NMU: variants seen among roughly 807,000 people sequenced by gnomAD.
NMU encodes neuromedin U.
In NMU, 29 loss-of-function variants were observed where a neutral mutation model predicts 35.4. The observed-to-expected ratio is 0.82, with a 90% CI of 0.61 to 1.12. The LOEUF (loss-of-function observed/expected upper bound fraction) is 1.12. Among genes scored for constraint, NMU ranks in the 50% most tolerant of loss-of-function variants. The pLI, the probability that NMU is intolerant of heterozygous loss-of-function variation, is 0.00. For missense variants in NMU, 199 were observed against 206.2 expected (o/e 0.97, Z 0.21); for synonymous variants, 78 against 81.3 (o/e 0.96, Z 0.22).
intron 8 of NMU, 96 bp from the exon 9 acceptor site, chr4:55,599,277 G>A (rs1560511162): frequency 1.0e-6 from 1 of 972,730 alleles, no homozygotes; most frequent in Non-Finnish European, 1.7e-6. Context: ...TGTTTAACGT[G>A]CATCACAATC....
chr4:55,609,130 G>A lies in NMU; in HGVS notation c.269C>T (p.Pro90Leu), dbSNP rs377509274. The change falls in exon 4 of 10, where the codon CCA (proline) becomes CTA (leucine). Residue 90 changes from proline (P) to leucine (L), a missense_variant. Coordinates refer to ENST00000264218, the MANE Select transcript of NMU (RefSeq NM_006681.4). ...CTATTTCAAGCTTACCTGAGGCTTT[G>A]GTAGCATTCCCATAATCATAAAGCA... ...ELCFMIMGML[P>L]KPQEQDEKDN... 1 of 1,612,960 alleles carries A rather than the reference G, an allele frequency of 6.2e-7. No homozygotes were observed. Among genetic ancestry groups the A allele is most frequent in the African/African-American group, 1.3e-5 (1 of 75,034 alleles).
At chr4:55,595,563 T>TATATATATACACACACAC (rs755203914) in intron 9 of NMU, among the ~76,000 whole-genome samples, 152 bp from the exon 10 acceptor site, 1 of 120,054 alleles carries the variant, frequency 8.3e-6, no homozygotes, top group Non-Finnish European at 1.7e-5. Context: ...TATATATATA[T>TATATATATACACACACAC]ACACACACAC....
intron 7 of NMU, among the ~76,000 whole-genome samples, chr4:55,604,027 A>ATATACATGTGTATATATACACATGTAT (rs1733567304): frequency 6.6e-4 from 19 of 28,966 alleles, no homozygotes; most frequent in East Asian, 1.6e-3. Flanking sequence ...GTATATATAT[A>ATATACATGTGTATATATACACATGTAT]ATCCTAGAAA....
chr4:55,632,936 C>T (rs1321357931), intron 1 of NMU, among the ~76,000 whole-genome samples: 2 of 147,122 alleles, frequency 1.4e-5, no homozygotes, highest in Admixed American at 1.4e-4. Context: ...TTTTGTGGCT[C>T]TTCTAAAAAA....
At chr4:55,615,882 A>C (rs2110199969) in intron 3 of NMU, among the ~76,000 whole-genome samples, 1 of 152,068 alleles carries the variant, frequency 6.6e-6, no homozygotes, top group South Asian at 2.1e-4. Context: ...AACATGCAAT[A>C]TTTGGTTTTC....
At position 55,605,342 on chromosome 4, in the gene NMU, A is replaced by C. The variant is rs756862152; in HGVS notation, c.368T>G (p.Val123Gly). The change falls in exon 7 of 10, where the codon GTT (valine) becomes GGT (glycine). Residue 123 changes from valine to glycine, a missense_variant. By Grantham distance (109) the Val-to-Gly change is moderately radical (BLOSUM62 -3). Coordinates refer to ENST00000264218, the MANE Select transcript of NMU (RefSeq NM_006681.4). ...KLGKSNVVSS[V>G]VHPLLQLVPH... ...AACGAGCTGCAGCAACGGATGCACA[A>C]CTGACGACTGAGAGGACATGAACAC... 6.2e-7 allele frequency: 1 copy of C among 1,612,632 alleles called. No homozygotes were observed. Among genetic ancestry groups the C allele is most frequent in the South Asian group, 1.1e-5 (1 of 91,048 alleles).
intron 2 of NMU, among the ~76,000 whole-genome samples, chr4:55,619,545 A>G (rs982652499): frequency 1.3e-4 from 19 of 142,620 alleles, no homozygotes; most frequent in Admixed American, 1.2e-3. Context: ...TTGCCAGCAC[A>G]GCAGTCTGAG....
chr4:55,636,199 G>T lies in NMU; in HGVS notation c.-7C>A. ...AGCTCTCTGTTCGCAGCATCTCGGC[G>T]GCTGCGGGAGGCTCGGTGCTAGGGA... On this transcript the variant is annotated 5_prime_UTR_variant, in exon 1 of 10. Transcript: ENST00000264218. The surrounding 1 kb of genome is among the most constrained non-coding windows in gnomAD (Gnocchi z 4.0). 6.8e-7 allele frequency: 1 copy of T among 1,480,514 alleles called. No individual in the cohort carries two copies. The highest frequency in any genetic ancestry group is 8.9e-7 in the Non-Finnish European group (1 of 1,124,644). 91.7% of individuals were successfully genotyped at this position (1,480,514 alleles called of 1,614,324 possible). A position where few individuals can be genotyped will look rare whatever the true frequency, so the allele number is the denominator to read the frequency against.
chr4:55,628,664 G>C (rs943159410), intron 2 of NMU, among the ~76,000 whole-genome samples: 1 of 151,514 alleles, frequency 6.6e-6, no homozygotes. Flanking sequence ...GATAATTTTT[G>C]TGTTATTAGT....
At chr4:55,615,202 C>T (rs534515779) in intron 3 of NMU, among the ~76,000 whole-genome samples, 43 of 152,228 alleles carry the variant, frequency 2.8e-4, no homozygotes, top group Non-Finnish European at 5.3e-4. Flanking sequence ...TAGATTAGCA[C>T]TCCTGGCCTC....
At chr4:55,596,290 C>A in intron 9 of NMU, among the ~76,000 whole-genome samples, 1 of 149,294 alleles carries the variant, frequency 6.7e-6, no homozygotes, top group Non-Finnish European at 1.5e-5. Flanking sequence ...AATGAAATCA[C>A]GAGTACATTA....
chr4:55,598,126 GTTCTAT>G (rs905335454), intron 9 of NMU, among the ~76,000 whole-genome samples: 2 of 39,412 alleles, frequency 5.1e-5, no homozygotes, highest in African/African-American at 1.9e-4. Context: ...ATAAGTTCTT[GTTCTAT>G]TGCCTTGGCT....
In NMU at chr4:55,627,032, G is replaced by A. The variant is rs112755333; in HGVS notation, c.171+3370C>T. On this transcript the variant is annotated intron_variant, in intron 2 of 9. Coordinates refer to ENST00000264218, the MANE Select transcript of NMU (RefSeq NM_006681.4). ...TCCTCAACTGGGGTCTGCTGTCAGC[G>A]GTGCAGTCATTTATTCTCAGGCACT... Among the ~76,000 whole-genome samples the A allele has an allele frequency of 1.4e-4, 21 of 152,294 alleles. 1 individual carries two copies. Among genetic ancestry groups the A allele is most frequent in the African/African-American group, 5.1e-4 (21 of 41,576 alleles).
intron 2 of NMU, among the ~76,000 whole-genome samples, chr4:55,629,311 G>A (rs572159165): frequency 6.6e-6 from 1 of 151,662 alleles, no homozygotes; most frequent in East Asian, 1.9e-4. Context: ...ATGTTGTCCA[G>A]ACTGGTCTTA....
At position 55,612,442 on chromosome 4, in the gene NMU, T is replaced by C. The variant is rs377703234; in HGVS notation, c.220-3263A>G. Among the ~76,000 whole-genome samples the C allele has an allele frequency of 2.2e-4, 33 of 152,166 alleles. No individual in the cohort carries two copies. In the East Asian group the frequency reaches 4.6e-3, roughly 21 times the overall value. On this transcript the variant is annotated intron_variant, in intron 3 of 9. Transcript: ENST00000264218. The stretch of plus-strand genomic sequence containing the variant: ...TGCTCCACTTATGCTCATTTCAAAA[T>C]AGAAAATACAAAACAATAAGAAGAA...
At chr4:55,619,729 A>G (rs1191589184) in intron 2 of NMU, among the ~76,000 whole-genome samples, 165 of 140,280 alleles carry the variant, frequency 1.2e-3, no homozygotes, top group African/African-American at 4.2e-3. Context: ...GACAAACAAA[A>G]AGACAGCAGT....
At chr4:55,628,931 T>C (rs953023469) in intron 2 of NMU, among the ~76,000 whole-genome samples, 2 of 152,214 alleles carry the variant, frequency 1.3e-5, no homozygotes, top group Non-Finnish European at 2.9e-5. Context: ...AATTTCTCTC[T>C]AGCTACTGTT....
chr4:55,626,854 C>A (rs1024428374), intron 2 of NMU, among the ~76,000 whole-genome samples: 1 of 152,156 alleles, frequency 6.6e-6, no homozygotes, highest in African/African-American at 2.4e-5. Context: ...AAGTTTCTTA[C>A]GATTTATATT....
In NMU at chr4:55,603,911, CAAAA is replaced by C. The variant is rs746222578; in HGVS notation, c.435+1360_435+1363del. Reference sequence around the variant, plus strand: ...TGGGCGACAGAGCAAGAGTCCGTCTCAAAAAAAAAAAAAAAATATATATATATAT... The same window carrying C: ...TGGGCGACAGAGCAAGAGTCCGTCTCAAAAAAAAAAAATATATATATATAT... On this transcript the variant is annotated intron_variant, in intron 7 of 9. Transcript: ENST00000264218. Among the ~76,000 whole-genome samples, 127 of 50,364 alleles carry C rather than the reference CAAAA, an allele frequency of 2.5e-3. 4 individuals are homozygous for C. Among genetic ancestry groups the C allele is most frequent in the African/African-American group, 4.6e-3 (39 of 8,392 alleles). 33.0% of individuals were successfully genotyped at this position (50,364 alleles called of 152,430 possible). A position where few individuals can be genotyped will look rare whatever the true frequency, so the allele number is the denominator to read the frequency against.
Sources: gnomAD v4.1 joint callset for allele counts (sites outside exome capture counted in the v4.1 genomes callset) on GRCh38, gnomAD v4.1.1 for gene constraint, Gnocchi (gnomAD v3.1) non-coding constraint, MANE v1.5 for transcripts, NCBI Gene and HGNC (gene_info 2026-07-23, HGNC 2026-07-21) for gene names.